Variants in MCU observed in about 807,000 individuals in gnomAD.
The protein encoded by MCU is mitochondrial calcium uniporter.
A neutral mutation model predicts 45.2 loss-of-function variants in MCU; 12 were observed. That is an observed-to-expected ratio of 0.27 (90% CI 0.17 to 0.43). The LOEUF (loss-of-function observed/expected upper bound fraction) is 0.43, where lower values mean the gene tolerates loss of function less well. MCU is among the 20% of genes least tolerant of loss of function. The pLI is 1.00. For synonymous variants in MCU, 160 were observed against 165.1 expected (o/e 0.97, Z 0.24); for missense variants, 324 against 436.7 (o/e 0.74, Z 2.30).
chr10:72,750,775 G>A (rs1314441385), intron 1 of MCU, among the ~76,000 whole-genome samples: 1 of 152,098 alleles, frequency 6.6e-6, no homozygotes, highest in Non-Finnish European at 1.5e-5. Context: ...CTGCCCATTT[G>A]AATTCAGTTC....
chr10:72,719,110 A>G (rs571223075), intron 1 of MCU, among the ~76,000 whole-genome samples: 1 of 152,332 alleles, frequency 6.6e-6, no homozygotes, highest in South Asian at 2.1e-4. Context: ...TTTTTCATTT[A>G]CATGTTATTC....
intron 1 of MCU, among the ~76,000 whole-genome samples, chr10:72,826,514 A>G (rs746784878): frequency 1.3e-5 from 2 of 152,206 alleles, no homozygotes; most frequent in Non-Finnish European, 2.9e-5. Context: ...ATGTCAGCAA[A>G]TGCATTGAGA....
chr10:72,705,213 C>T (rs561407116), intron 1 of MCU, among the ~76,000 whole-genome samples: 1 of 152,172 alleles, frequency 6.6e-6, no homozygotes, highest in East Asian at 1.9e-4. Flanking sequence ...GATATGTGTG[C>T]AGCATGTGCA....
At chr10:72,805,133 TTC>T (rs1844418793) in intron 1 of MCU, among the ~76,000 whole-genome samples, 1 of 138,002 alleles carries the variant, frequency 7.2e-6, no homozygotes, top group African/African-American at 3.1e-5. Context: ...CTTTCTTTCT[TTC>T]TTTCTTTCTT....
intron 2 of MCU, among the ~76,000 whole-genome samples, chr10:72,855,987 A>G (rs1247479777): frequency 6.6e-6 from 1 of 152,198 alleles, no homozygotes; most frequent in Non-Finnish European, 1.5e-5. Flanking sequence ...CCTGGAAACA[A>G]CCCAGATGTT....
At chr10:72,813,586 G>T (rs768863148) in intron 1 of MCU, among the ~76,000 whole-genome samples, 2 of 150,174 alleles carry the variant, frequency 1.3e-5, no homozygotes, top group South Asian at 4.2e-4. Context: ...AGCCTCCTGA[G>T]TAGCTGGGAT....
intron 1 of MCU, among the ~76,000 whole-genome samples, chr10:72,775,983 A>G (rs540499610): frequency 1.3e-5 from 2 of 152,118 alleles, no homozygotes; most frequent in East Asian, 1.9e-4. Context: ...TGGGCAACAT[A>G]GTGAGACCCT....
intron 4 of MCU, among the ~76,000 whole-genome samples, chr10:72,864,274 C>T (rs1589502965): frequency 6.6e-6 from 1 of 152,206 alleles, no homozygotes; most frequent in Non-Finnish European, 1.5e-5. Flanking sequence ...TCCTGCAGTT[C>T]TCAAAATTTT....
chr10:72,718,476 C>T (rs1442502144), intron 1 of MCU, among the ~76,000 whole-genome samples: 1 of 152,144 alleles, frequency 6.6e-6, no homozygotes, highest in Non-Finnish European at 1.5e-5. Flanking sequence ...TAAGTTTTTT[C>T]CCGCTGAAAG....
intron 1 of MCU, among the ~76,000 whole-genome samples, chr10:72,813,979 G>A (rs1844587486): frequency 6.6e-6 from 1 of 152,148 alleles, no homozygotes; most frequent in South Asian, 2.1e-4. Flanking sequence ...CTGACAGTGT[G>A]ATGTTTCAAC....
At chr10:72,852,109 A>G (rs1228712716) in intron 2 of MCU, among the ~76,000 whole-genome samples, 1 of 152,214 alleles carries the variant, frequency 6.6e-6, no homozygotes, top group Non-Finnish European at 1.5e-5. Flanking sequence ...CAGAAAGGGG[A>G]TAATTGGATA....
intron 1 of MCU, among the ~76,000 whole-genome samples, chr10:72,696,791 T>C (rs1357327532): frequency 6.6e-6 from 1 of 152,070 alleles, no homozygotes; most frequent in African/African-American, 2.4e-5. Flanking sequence ...CTTTATCTCC[T>C]CTCCCTATCC....
intron 1 of MCU, among the ~76,000 whole-genome samples, chr10:72,760,047 A>C (rs1466521821): frequency 1.2e-5 from 1 of 82,582 alleles, no homozygotes; most frequent in East Asian, 2.1e-4. Context: ...TAAAACTTTA[A>C]ATTTTTTTTT....
chr10:72,777,947 T>C (rs1353519915), intron 1 of MCU, among the ~76,000 whole-genome samples: 1 of 152,158 alleles, frequency 6.6e-6, no homozygotes, highest in Non-Finnish European at 1.5e-5. Flanking sequence ...GCATCACTAA[T>C]AGAGAAATGC....
intron 2 of MCU, among the ~76,000 whole-genome samples, chr10:72,858,551 G>T (rs1047626486): frequency 5.9e-5 from 9 of 152,082 alleles, no homozygotes; most frequent in Non-Finnish European, 1.2e-4. Flanking sequence ...GCAAGGAAGG[G>T]GTATAATGAA....
intron 4 of MCU, among the ~76,000 whole-genome samples, chr10:72,867,242 G>A (rs1845471170): frequency 6.6e-6 from 1 of 151,938 alleles, no homozygotes; most frequent in South Asian, 2.1e-4. Context: ...GTTTAGAAGA[G>A]TGCTACCCTT....
intron 1 of MCU, chr10:72,692,877 C>T: frequency 6.9e-7 from 1 of 1,452,004 alleles, no homozygotes; most frequent in South Asian, 1.4e-5. Context: ...CCCTCTGTGA[C>T]TTCCTCTGTG....
intron 5 of MCU, among the ~76,000 whole-genome samples, chr10:72,869,522 A>T (rs544471251): frequency 6.6e-6 from 1 of 152,342 alleles, no homozygotes; most frequent in South Asian, 2.1e-4. Context: ...TGGGAGGTGG[A>T]GGTTGCAGTG....
At chr10:72,748,179 C>G (rs1843441867) in intron 1 of MCU, among the ~76,000 whole-genome samples, 1 of 151,992 alleles carries the variant, frequency 6.6e-6, no homozygotes, top group African/African-American at 2.4e-5. Flanking sequence ...ACCTGAGTAG[C>G]TGGGACTACA....
Sources: gnomAD v4.1 joint callset for allele counts (sites outside exome capture counted in the v4.1 genomes callset) on GRCh38, gnomAD v4.1.1 for gene constraint, MANE v1.5 for transcripts, NCBI Gene and HGNC (gene_info 2026-07-23, HGNC 2026-07-21) for gene names.